FRMPD4: variants seen among roughly 807,000 people sequenced by gnomAD.
FRMPD4 encodes the protein FERM and PDZ domain-containing protein 4.
In FRMPD4, 22 loss-of-function variants were observed where a neutral mutation model predicts 94.1. That is an observed-to-expected ratio of 0.23 (90% CI 0.17 to 0.33). The LOEUF (loss-of-function observed/expected upper bound fraction) is 0.33, where lower values mean the gene tolerates loss of function less well. FRMPD4 is among the 10% of genes least tolerant of loss of function. FRMPD4 has a pLI of 1.00. For synonymous variants in FRMPD4, 631 were observed against 548.6 expected (o/e 1.15, Z -2.10); for missense variants, 1,111 against 1,339.9 (o/e 0.83, Z 2.67).
chrX:11,953,375 C>G (rs2054236106), intron 3 of FRMPD4, among the ~76,000 whole-genome samples: 1 of 111,618 alleles, frequency 9.0e-6, no homozygotes, highest in African/African-American at 3.3e-5. Context: ...AAAGATAAGT[C>G]TCATTAAAGA....
intron 1 of FRMPD4, among the ~76,000 whole-genome samples, chrX:12,408,639 C>T (rs1319542962): frequency 9.0e-6 from 1 of 111,446 alleles, no homozygotes; most frequent in Non-Finnish European, 1.9e-5. Flanking sequence ...GCACAGCACC[C>T]AGCCCATACT....
At position 12,716,203 on chromosome X, in the gene FRMPD4, A is replaced by T; in HGVS notation, c.1744A>T (p.Ile582Phe). ...YIDSKQKTVE[I>F]TDSTMCPKEH... is the part of the protein sequence containing the mutation. ...AGATTCAAAGCAGAAGACGGTGGAG[A>T]TCACAGACAGCACCATGTGTCCAAA... The change falls in exon 15 of 17, where the codon ATC (isoleucine) becomes TTC (phenylalanine). Residue 582 changes from isoleucine (I) to phenylalanine (F), a missense_variant. This residue lies in a region of FRMPD4 where 192 missense variants were observed against 192.5 expected (regional missense o/e 1.00). Transcript: ENST00000675598. 1 of 1,207,786 alleles carries T rather than the reference A, an allele frequency of 8.3e-7. No homozygotes were observed. The highest frequency in any genetic ancestry group is 3.0e-5 in the East Asian group (1 of 33,845).
At chrX:11,908,207 A>G (rs1220926523) in intron 3 of FRMPD4, among the ~76,000 whole-genome samples, 1 of 111,813 alleles carries the variant, frequency 8.9e-6, no homozygotes, top group Non-Finnish European at 1.9e-5. Flanking sequence ...GTTTTCAATC[A>G]TCTTTAATTT....
chrX:12,634,564 C>G (rs2059425166), intron 4 of FRMPD4, among the ~76,000 whole-genome samples: 1 of 111,598 alleles, frequency 9.0e-6, no homozygotes. Context: ...AATTTCAAAA[C>G]TGAATAACCA....
rs1459341666 is a variant in FRMPD4, at chrX:12,704,234, G to C, written c.1071-125G>C. The C allele has an allele frequency of 6.9e-6, 3 of 433,066 alleles. No individual in the cohort carries two copies. In the East Asian group the frequency reaches 1.1e-4, roughly 17 times the overall value. 35.7% of individuals were successfully genotyped at this position (433,066 alleles called of 1,213,427 possible). On this transcript the variant is annotated intron_variant, in intron 10 of 16. Coordinates refer to ENST00000675598, the MANE Select transcript of FRMPD4 (RefSeq NM_001368397.1). ...GTAAATTAAAAGTTACTTCCTTTGG[G>C]GACTTGTCTCCATTCTCTGCCTCAC...
At chrX:12,193,775 G>GA (rs1207033585) in intron 1 of FRMPD4, among the ~76,000 whole-genome samples, 548 of 14,556 alleles carry the variant, frequency 0.038, 1 homozygote, top group Non-Finnish European at 0.051. Flanking sequence ...AGAAAGAAAG[G>GA]AAGGAAGGAA....
chrX:12,441,838 A>T (rs984472441), intron 1 of FRMPD4, among the ~76,000 whole-genome samples: 9 of 111,801 alleles, frequency 8.1e-5, no homozygotes, highest in African/African-American at 2.9e-4. Flanking sequence ...ACCTAAGGAG[A>T]TTATTTTAAT....
At chrX:12,276,930 G>A (rs748012224) in intron 1 of FRMPD4, among the ~76,000 whole-genome samples, 2 of 109,352 alleles carry the variant, frequency 1.8e-5, no homozygotes, top group East Asian at 5.7e-4. Flanking sequence ...GACCATCCCG[G>A]CTAAAATGGT....
chrX:12,100,784 AT>A (rs1335718932), intron 3 of FRMPD4, among the ~76,000 whole-genome samples: 1 of 111,722 alleles, frequency 9.0e-6, no homozygotes, highest in East Asian at 2.8e-4. Context: ...GATAACGAGT[AT>A]CCTCTGCATC....
chrX:12,121,622 T>C (rs1166675361), intron 3 of FRMPD4, among the ~76,000 whole-genome samples: 1 of 111,680 alleles, frequency 9.0e-6, no homozygotes, highest in Non-Finnish European at 1.9e-5. Flanking sequence ...TGGGTGGTGG[T>C]ATCCTCAGTG....
Position 12,716,707 on chromosome X carries a change from G to A in FRMPD4, c.2248G>A (p.Asp750Asn). The A allele has an allele frequency of 8.3e-7, 1 of 1,211,476 alleles. No individual in the cohort carries two copies. The highest frequency in any genetic ancestry group is 1.1e-6 in the Non-Finnish European group (1 of 895,228). Residue 750 changes from aspartate to asparagine, a missense_variant, in exon 15 of 17, where the codon GAC becomes AAC. Physicochemically the swap from Asp to Asn is conservative, Grantham distance 23 (BLOSUM62 1). Transcript: ENST00000675598. Reference sequence around the variant, plus strand: ...TGCAGAAAACACTGATGACGCGGAGGACGAGGACGAGGTGAGCTGCGAGGA... The same window carrying A: ...TGCAGAAAACACTGATGACGCGGAGAACGAGGACGAGGTGAGCTGCGAGGA... Reference protein sequence around the residue: ...CYAENTDDAEDEDEVSCEEDL... With the variant: ...CYAENTDDAENEDEVSCEEDL...
At chrX:12,417,837 G>A (rs1433556248) in intron 1 of FRMPD4, among the ~76,000 whole-genome samples, 1 of 107,165 alleles carries the variant, frequency 9.3e-6, no homozygotes, top group Non-Finnish European at 1.9e-5. Flanking sequence ...GTGAAACCCC[G>A]TCTCTACTTA....
At chrX:11,825,734 A>G (rs6639088) in intron 1 of FRMPD4, among the ~76,000 whole-genome samples, 11,423 of 111,657 alleles carry the variant, frequency 0.1, 608 homozygotes, top group East Asian at 0.25. Flanking sequence ...TATTGTACCA[A>G]CGTCAATTTC....
chrX:12,375,725 C>A (rs2056228026), intron 1 of FRMPD4, among the ~76,000 whole-genome samples: 1 of 112,186 alleles, frequency 8.9e-6, no homozygotes, highest in South Asian at 3.7e-4. Context: ...AGGTCAAGGT[C>A]ATCGGGGGCC....
chrX:12,227,442 T>TA, intron 1 of FRMPD4, among the ~76,000 whole-genome samples: 1 of 111,671 alleles, frequency 9.0e-6, no homozygotes, highest in African/African-American at 3.3e-5. Context: ...AACAGCTCTA[T>TA]AAAAAACGGT....
intron 1 of FRMPD4, among the ~76,000 whole-genome samples, chrX:12,435,067 C>T (rs1038270097): frequency 1.8e-5 from 2 of 111,109 alleles, no homozygotes; most frequent in African/African-American, 3.3e-5. Flanking sequence ...CTTTTATTTC[C>T]GTTAATATTT....
At chrX:12,465,487 C>T (rs1256300612) in intron 1 of FRMPD4, among the ~76,000 whole-genome samples, 1 of 111,213 alleles carries the variant, frequency 9.0e-6, no homozygotes, top group Non-Finnish European at 1.9e-5. Flanking sequence ...ATACAACAGT[C>T]CAAAACAGAG....
In FRMPD4 at chrX:12,346,367, G is replaced by A. The variant is rs182311440; in HGVS notation, c.42-152313G>A. Among the ~76,000 whole-genome samples, 389 of 110,927 alleles carry A rather than the reference G, an allele frequency of 3.5e-3. 3 individuals carry two copies. The highest frequency in any genetic ancestry group is 0.01 in the African/African-American group (314 of 30,589). On this transcript the variant is annotated intron_variant, in intron 1 of 16. Coordinates refer to ENST00000675598, the MANE Select transcript of FRMPD4 (RefSeq NM_001368397.1). ...TGAAATTGTTATATTGGGGGATTGGGAATGTATTATAGACAAGGCTCTGAG... is the reference window on the plus strand; with the variant it reads ...TGAAATTGTTATATTGGGGGATTGGAAATGTATTATAGACAAGGCTCTGAG...
chrX:12,162,870 C>T (rs1341322866), intron 1 of FRMPD4, among the ~76,000 whole-genome samples: 1 of 111,267 alleles, frequency 9.0e-6, no homozygotes, highest in Non-Finnish European at 1.9e-5. Flanking sequence ...GTTTCTTTTC[C>T]CTCTGATTTC....
Sources: allele counts gnomAD v4.1 joint callset (sites outside exome capture counted in the v4.1 genomes callset), GRCh38; gene constraint gnomAD v4.1.1; regional missense constraint gnomAD v4.1.1; transcripts MANE v1.5; gene names NCBI Gene and HGNC (gene_info 2026-07-23, HGNC 2026-07-21).